ASMTL: variants seen among roughly 807,000 people sequenced by gnomAD.
The protein encoded by ASMTL is probable bifunctional dTTP/UTP pyrophosphatase/methyltransferase protein.
Under a neutral mutation model 60.3 loss-of-function variants are expected in ASMTL, and 57 were observed. The ratio of observed to expected loss-of-function variants is 0.95; its 90% CI spans 0.76 to 1.18. The LOEUF (loss-of-function observed/expected upper bound fraction) is 1.18, where lower values mean the gene tolerates loss of function less well. Ranked by LOEUF, ASMTL falls within the 50% of genes most tolerant of loss-of-function variation. The pLI is 0.00. For synonymous variants in ASMTL, 419 were observed against 373.0 expected (o/e 1.12, Z -1.42); for missense variants, 981 against 852.6 (o/e 1.15, Z -1.88).
intron 6 of ASMTL, 84 bp from the exon 7 acceptor site, chrX:1,428,205 G>A (rs1322419845): frequency 2.7e-6 from 4 of 1,491,016 alleles, no homozygotes. Flanking sequence ...AGGCGGAGGT[G>A]GGTGGATCAC....
At chrX:1,410,505 C>T (rs1360843172) in intron 12 of ASMTL, among the ~76,000 whole-genome samples, 2 of 152,000 alleles carry the variant, frequency 1.3e-5, no homozygotes, top group African/African-American at 4.8e-5. Context: ...ACCTTCGCCT[C>T]CCAGGTTCAA....
intron 6 of ASMTL, among the ~76,000 whole-genome samples, chrX:1,429,274 G>A (rs1447792574): frequency 2.0e-5 from 3 of 151,556 alleles, no homozygotes; most frequent in Non-Finnish European, 2.9e-5. Flanking sequence ...AAGTGCAGTG[G>A]TACATTCTTG....
rs1383612426 is a variant in ASMTL, at chrX:1,450,930, AG to A, written c.93+1817del. Among the ~76,000 whole-genome samples the A allele has an allele frequency of 1.6e-4, 13 of 80,960 alleles. No individual in the cohort carries two copies. The East Asian group carries it at 3.6e-3, about 23-fold the overall frequency. The allele number at this position is 80,960 out of a possible 152,430, so 53.1% of individuals were successfully genotyped here. Reference sequence around the variant, plus strand: ...GGGTCACTCTGCCCTCCCCATTCCTAGGGGGTCCTGGCTCACTCTCCCCTCC... The same window carrying A: ...GGGTCACTCTGCCCTCCCCATTCCTAGGGGTCCTGGCTCACTCTCCCCTCC... On this transcript the variant is annotated intron_variant, in intron 1 of 12. Coordinates refer to ENST00000381317, the MANE Select transcript of ASMTL (RefSeq NM_004192.4).
At chrX:1,448,354 AC>A (rs1375929874) in intron 1 of ASMTL, among the ~76,000 whole-genome samples, 1 of 147,568 alleles carries the variant, frequency 6.8e-6, no homozygotes, top group Non-Finnish European at 1.5e-5. Flanking sequence ...GCCATCTTGG[AC>A]CCATAACACC....
chrX:1,436,803 T>C (rs762606956), intron 3 of ASMTL, among the ~76,000 whole-genome samples: 67 of 152,378 alleles, frequency 4.4e-4, no homozygotes, highest in African/African-American at 1.4e-3. Context: ...GTAGAAGGTT[T>C]TGGTGGAACA....
In ASMTL at chrX:1,412,818, A is replaced by G. The variant is rs1195309666; in HGVS notation, c.1559T>C (p.Leu520Pro). The G allele has an allele frequency of 6.2e-7, 1 of 1,613,858 alleles. No individual in the cohort carries two copies. Among genetic ancestry groups the G allele is most frequent in the East Asian group, 2.2e-5 (1 of 44,890 alleles). The change falls in exon 12 of 13, where the codon CTG becomes CCG. Residue 520 changes from leucine to proline, a missense_variant. Transcript: ENST00000381317. ...ATGCAGGATCCGGCACAGGACGTAC[A>G]GCTCAGCGCTGGGGAGGGGGTCCCT... ...FFRDPLPSAE[L>P]YVLCRILHDW...
intron 12 of ASMTL, among the ~76,000 whole-genome samples, chrX:1,407,907 GAGAA>G (rs1389453091): frequency 6.7e-6 from 1 of 148,930 alleles, no homozygotes; most frequent in Non-Finnish European, 1.5e-5. Context: ...GGAGAAGAGA[GAGAA>G]AGAGAGACAG....
At chrX:1,410,509 G>A (rs62605709) in intron 12 of ASMTL, among the ~76,000 whole-genome samples, 131,980 of 151,838 alleles carry the variant, frequency 0.87, 57,496 homozygotes, top group Middle Eastern at 0.97. Context: ...TCGCCTCCCA[G>A]GTTCAAGTGA....
At chrX:1,430,179 T>C (rs1275579392) in intron 6 of ASMTL, among the ~76,000 whole-genome samples, 1 of 152,022 alleles carries the variant, frequency 6.6e-6, no homozygotes, top group Non-Finnish European at 1.5e-5. Flanking sequence ...CACACCGGGC[T>C]AATTTTTGTA....
chrX:1,426,698 C>T (rs1181718445), intron 7 of ASMTL, among the ~76,000 whole-genome samples: 3 of 152,150 alleles, frequency 2.0e-5, no homozygotes, highest in Non-Finnish European at 4.4e-5. Flanking sequence ...ACTAAAAGTA[C>T]AAAAATTAGC....
At chrX:1,413,915 AAC>A (rs1239500603) in intron 11 of ASMTL, 4 of 147,238 alleles carry the variant, frequency 2.7e-5, no homozygotes, top group Admixed American at 1.4e-4. Flanking sequence ...GAAAGAATCA[AAC>A]ACAACTGCAA....
rs745711615 is a variant in ASMTL, at chrX:1,442,323, A to G, written c.94-6T>C. 4.3e-6 allele frequency: 7 copies of G among 1,613,746 alleles called. No homozygotes were observed. Among genetic ancestry groups the G allele is most frequent in the Admixed American group, 1.7e-5 (1 of 59,976 alleles). On this transcript the variant is annotated splice_region_variant and splice_polypyrimidine_tract_variant and intron_variant, in intron 1 of 12. Transcript: ENST00000381317. ...ACCACCTCAAACCTGAGACCCTGCA[A>G]CAGTAGAAAAGGGGTCAGAAGGGTC...
chrX:1,443,843 G>A lies in ASMTL; in HGVS notation c.94-1526C>T, dbSNP rs183834227. Among the ~76,000 whole-genome samples, 9 of 143,694 alleles carry A rather than the reference G, an allele frequency of 6.3e-5. No homozygotes were observed. The East Asian group carries it at 8.6e-4, about 14-fold the overall frequency. 94.3% of individuals were successfully genotyped at this position (143,694 alleles called of 152,430 possible). On this transcript the variant is annotated intron_variant, in intron 1 of 12. Coordinates refer to ENST00000381317, the MANE Select transcript of ASMTL (RefSeq NM_004192.4). ...GACACACACCGCCATTTTGGCCATC[G>A]AGGACACACACCACCATCGTGGACA...
intron 7 of ASMTL, among the ~76,000 whole-genome samples, chrX:1,426,591 G>A (rs143329504): frequency 0.024 from 3,721 of 152,244 alleles, 174 homozygotes; most frequent in African/African-American, 0.085. Context: ...GCTGGCTCAC[G>A]CCTGTAATCC....
intron 9 of ASMTL, among the ~76,000 whole-genome samples, chrX:1,420,192 T>TGTCTC (rs1474233533): frequency 1.3e-5 from 2 of 151,816 alleles, no homozygotes; most frequent in Non-Finnish European, 2.9e-5. Context: ...CCTCTGTCTC[T>TGTCTC]CAAGTCTCCC....
At chrX:1,403,524 A>C (rs1484504795) in intron 12 of ASMTL, 35 bp from the exon 13 acceptor site, 26 of 1,597,050 alleles carry the variant, frequency 1.6e-5, no homozygotes, top group Non-Finnish European at 2.1e-5. Context: ...AGTCCTGGCC[A>C]GCCAGGCGGG....
intron 3 of ASMTL, among the ~76,000 whole-genome samples, chrX:1,438,700 G>A (rs1190109505): frequency 6.6e-6 from 1 of 152,134 alleles, no homozygotes; most frequent in Non-Finnish European, 1.5e-5. Flanking sequence ...AATTAATGTA[G>A]CTTATCTGTT....
intron 2 of ASMTL, among the ~76,000 whole-genome samples, chrX:1,440,460 T>C (rs1245189914): frequency 6.6e-6 from 1 of 152,220 alleles, no homozygotes; most frequent in Non-Finnish European, 1.5e-5. Context: ...GAAGCTACAT[T>C]AACTCTATAT....
chrX:1,416,884 GAC>G (rs1184698514), intron 11 of ASMTL, among the ~76,000 whole-genome samples: 3 of 147,248 alleles, frequency 2.0e-5, no homozygotes, highest in Non-Finnish European at 4.5e-5. Flanking sequence ...CAGACACGCA[GAC>G]ACACATACCC....
Sources: allele counts gnomAD v4.1 joint callset (sites outside exome capture counted in the v4.1 genomes callset), GRCh38; gene constraint gnomAD v4.1.1; transcripts MANE v1.5; gene names NCBI Gene and HGNC (gene_info 2026-07-23, HGNC 2026-07-21).